The following NPTN variants were observed in gnomAD, a reference collection of about 807,000 sequenced individuals.
NPTN encodes the protein SDR-1.
A neutral mutation model predicts 42.7 loss-of-function variants in NPTN; 5 were observed. That is an observed-to-expected ratio of 0.12 (90% CI 0.06 to 0.25). The LOEUF (loss-of-function observed/expected upper bound fraction) is 0.25, where lower values mean the gene tolerates loss of function less well. NPTN is among the 10% of genes least tolerant of loss of function. NPTN has a pLI of 1.00. For missense variants in NPTN, 307 were observed against 525.4 expected (o/e 0.58, Z 4.06); for synonymous variants, 180 against 201.9 (o/e 0.89, Z 0.92).
intron 4 of NPTN, among the ~76,000 whole-genome samples, chr15:73,586,842 C>T (rs1301803127): frequency 6.6e-6 from 1 of 152,202 alleles, no homozygotes. Flanking sequence ...ACTAGCTCTG[C>T]CACAAACTCA....
At chr15:73,590,075 T>A (rs1006103312) in intron 3 of NPTN, among the ~76,000 whole-genome samples, 30 of 152,152 alleles carry the variant, frequency 2.0e-4, no homozygotes, top group African/African-American at 6.0e-4. Context: ...CTTGGGAAGA[T>A]AACTCCCACA....
intron 1 of NPTN, among the ~76,000 whole-genome samples, chr15:73,623,444 TG>T (rs1172350134): frequency 5.9e-5 from 9 of 152,314 alleles, no homozygotes; most frequent in African/African-American, 2.2e-4. Flanking sequence ...CCCAGCACTT[TG>T]GGAGGCACAG....
At chr15:73,626,227 T>G (rs1309441913) in intron 1 of NPTN, among the ~76,000 whole-genome samples, 1 of 152,248 alleles carries the variant, frequency 6.6e-6, no homozygotes, top group Non-Finnish European at 1.5e-5. Context: ...GGCAGGAATA[T>G]TCACTTCTTT....
At chr15:73,596,111 G>C (rs1415566457) in intron 2 of NPTN, among the ~76,000 whole-genome samples, 1 of 152,192 alleles carries the variant, frequency 6.6e-6, no homozygotes, top group Non-Finnish European at 1.5e-5. Context: ...CCGTGAACAG[G>C]AATCAACTGC....
rs142836268 is a variant in NPTN, at chr15:73,618,277, A to T, written c.91+14848T>A. Among the ~76,000 whole-genome samples, 89 of 152,360 alleles carry T rather than the reference A, an allele frequency of 5.8e-4. No homozygotes were observed. The East Asian group carries it at 0.011, about 18-fold the overall frequency. On this transcript the variant is annotated intron_variant, in intron 1 of 8. Coordinates refer to ENST00000345330, the MANE Select transcript of NPTN (RefSeq NM_012428.4). ...TTTGGGGATTAAAAGAGTTAAAAAA[A>T]ATATATGTTAGAAAGATCTCTACCA...
intron 4 of NPTN, among the ~76,000 whole-genome samples, chr15:73,580,449 T>TA (rs59714017): frequency 2.2e-5 from 3 of 136,760 alleles, no homozygotes; most frequent in Non-Finnish European, 3.1e-5. Flanking sequence ...ATAATATATA[T>TA]GTATATATAC....
chr15:73,568,592 TG>T (rs1784633534), intron 6 of NPTN: 7 of 985,352 alleles, frequency 7.1e-6, no homozygotes, highest in Non-Finnish European at 8.4e-6. Flanking sequence ...AAGAAATACC[TG>T]GAGAGAAAAA....
chr15:73,563,169 G>T, intron 7 of NPTN, 67 bp downstream of exon 7: 2 of 1,149,500 alleles, frequency 1.7e-6, no homozygotes, highest in Non-Finnish European at 2.6e-6. Context: ...TACTCCATTT[G>T]ATTAAACTGC....
intron 2 of NPTN, among the ~76,000 whole-genome samples, chr15:73,595,309 G>A (rs1689522561): frequency 6.6e-6 from 1 of 152,028 alleles, no homozygotes; most frequent in Admixed American, 6.6e-5. Flanking sequence ...GGAGCAAGGG[G>A]GCAGGAGAAG....
chr15:73,630,927 T>A (rs559604399), intron 1 of NPTN, among the ~76,000 whole-genome samples: 13 of 152,318 alleles, frequency 8.5e-5, no homozygotes, highest in African/African-American at 3.1e-4. Flanking sequence ...AAAATAGCCA[T>A]CTCTTCCTTG....
intron 1 of NPTN, among the ~76,000 whole-genome samples, chr15:73,627,844 CTAGAA>C (rs1436211889): frequency 2.0e-5 from 3 of 152,050 alleles, no homozygotes; most frequent in Non-Finnish European, 2.9e-5. Context: ...ATCAATATCA[CTAGAA>C]TAATGTTTTT....
chr15:73,619,228 T>A (rs950233922), intron 1 of NPTN, among the ~76,000 whole-genome samples: 1 of 152,166 alleles, frequency 6.6e-6, no homozygotes, highest in Admixed American at 6.5e-5. Flanking sequence ...TTTAACTATT[T>A]AGATCATTGT....
intron 5 of NPTN, among the ~76,000 whole-genome samples, chr15:73,571,260 CACAAA>C (rs1488629176): frequency 6.6e-6 from 1 of 152,132 alleles, no homozygotes; most frequent in Non-Finnish European, 1.5e-5. Context: ...CCTGTCTTAA[CACAAA>C]ACAAAACAAA....
At chr15:73,629,529 C>CA (rs2141484478) in intron 1 of NPTN, among the ~76,000 whole-genome samples, 1 of 151,750 alleles carries the variant, frequency 6.6e-6, no homozygotes, top group Admixed American at 6.6e-5. Flanking sequence ...CAAATACTGG[C>CA]ATTATTACAA....
Position 73,569,277 on chromosome 15 carries a change from C to T in NPTN, c.1114+873G>A, listed in dbSNP as rs1488083006. The T allele has an allele frequency of 3.0e-6, 3 of 985,452 alleles. No individual in the cohort carries two copies. The highest frequency in any genetic ancestry group is 3.6e-6 in the Non-Finnish European group (3 of 830,030). 61.0% of individuals were successfully genotyped at this position (985,452 alleles called of 1,614,324 possible). ...TGCAGATACAAGTCTCCATCAGCAGCTTCCCCCTTCACAGGAAAAATCGAT... is the reference window on the plus strand; with the variant it reads ...TGCAGATACAAGTCTCCATCAGCAGTTTCCCCCTTCACAGGAAAAATCGAT... On this transcript the variant is annotated intron_variant, in intron 6 of 8. Transcript: ENST00000345330. This position sits in a 1 kb window ranked among gnomAD's most constrained non-coding sequence, Gnocchi z 4.1.
intron 1 of NPTN, among the ~76,000 whole-genome samples, chr15:73,598,315 A>AC (rs777690690): frequency 1.3e-4 from 20 of 152,174 alleles, no homozygotes; most frequent in Non-Finnish European, 2.4e-4. Context: ...TGAGAAATGT[A>AC]CCCTGATGAA....
chr15:73,623,589 A>C (rs1898242935), intron 1 of NPTN, among the ~76,000 whole-genome samples: 1 of 152,188 alleles, frequency 6.6e-6, no homozygotes, highest in South Asian at 2.1e-4. Flanking sequence ...TGGAAAGCTG[A>C]GGCAGGAGGA....
intron 4 of NPTN, among the ~76,000 whole-genome samples, chr15:73,578,971 C>T (rs1209952940): frequency 3.8e-5 from 5 of 132,008 alleles, no homozygotes; most frequent in East Asian, 2.1e-4. Flanking sequence ...CCAGCCTGGG[C>T]GACAGAGTAA....
At chr15:73,580,453 T>C (rs1895953238) in intron 4 of NPTN, among the ~76,000 whole-genome samples, 1 of 134,726 alleles carries the variant, frequency 7.4e-6, no homozygotes, top group Non-Finnish European at 1.5e-5. Context: ...TATATATGTA[T>C]ATATACAAAA....
Sources: gnomAD v4.1 joint callset for allele counts (sites outside exome capture counted in the v4.1 genomes callset) on GRCh38, gnomAD v4.1.1 for gene constraint, Gnocchi (gnomAD v3.1) non-coding constraint, MANE v1.5 for transcripts, NCBI Gene and HGNC (gene_info 2026-07-23, HGNC 2026-07-21) for gene names.